Variants in ITM2B observed in about 807,000 individuals in gnomAD.
ITM2B encodes the protein integral membrane protein 2B.
A neutral mutation model predicts 27.8 loss-of-function variants in ITM2B; 11 were observed. The ratio of observed to expected loss-of-function variants is 0.40; its 90% confidence interval spans 0.25 to 0.66. The LOEUF (loss-of-function observed/expected upper bound fraction) is 0.66. ITM2B is among the 30% of genes least tolerant of loss of function. ITM2B has a pLI of 0.43. For missense variants in ITM2B, 296 were observed against 328.9 expected (o/e 0.90, Z 0.77); for synonymous variants, 114 against 114.3 (o/e 1.00, Z 0.02).
At chr13:48,238,024 C>A (rs969375283) in intron 1 of ITM2B, among the ~76,000 whole-genome samples, 2 of 152,118 alleles carry the variant, frequency 1.3e-5, no homozygotes, top group Non-Finnish European at 2.9e-5. Flanking sequence ...GTTACTGAAA[C>A]CTGTTAAAGG....
At chr13:48,233,786 G>A (rs571720142) in intron 1 of ITM2B, among the ~76,000 whole-genome samples, 370 of 152,292 alleles carry the variant, frequency 2.4e-3, no homozygotes, top group African/African-American at 8.6e-3. Context: ...CCAGGACTTG[G>A]CTTGTTCGAT....
intron 2 of ITM2B, 94 bp downstream of exon 2, chr13:48,254,030 T>C (rs1454084649): frequency 8.0e-7 from 1 of 1,248,990 alleles, no homozygotes; most frequent in East Asian, 2.4e-5. Context: ...GCGCTAAGCT[T>C]GTACTTTTTA....
intron 1 of ITM2B, among the ~76,000 whole-genome samples, chr13:48,250,861 T>C (rs939538463): frequency 6.6e-6 from 1 of 152,194 alleles, no homozygotes; most frequent in Non-Finnish European, 1.5e-5. Context: ...AAACAGCTCT[T>C]CTATGAAGTA....
intron 1 of ITM2B, 34 bp downstream of exon 1, chr13:48,233,511 T>G: frequency 7.0e-7 from 1 of 1,428,568 alleles, no homozygotes; most frequent in South Asian, 1.3e-5. Flanking sequence ...AAGCGGGTGC[T>G]GGGCCCGGCC....
At chr13:48,257,917 T>C (rs975913325) in intron 3 of ITM2B, among the ~76,000 whole-genome samples, 1 of 152,238 alleles carries the variant, frequency 6.6e-6, no homozygotes, top group East Asian at 1.9e-4. Context: ...ATACCCTCGA[T>C]GAGCATTTTA....
chr13:48,247,264 T>C (rs1331602074), intron 1 of ITM2B, among the ~76,000 whole-genome samples: 2 of 152,230 alleles, frequency 1.3e-5, no homozygotes, highest in Admixed American at 6.5e-5. Flanking sequence ...TTTACCTATG[T>C]TACCCAGCAT....
intron 1 of ITM2B, among the ~76,000 whole-genome samples, chr13:48,244,349 G>A (rs2243626): frequency 0.43 from 64,921 of 152,142 alleles, 18,022 homozygotes; most frequent in African/African-American, 0.8. Context: ...GAGTGGTGGA[G>A]TAAGGGAGCA....
At chr13:48,235,925 G>T (rs1593387004) in intron 1 of ITM2B, among the ~76,000 whole-genome samples, 2 of 152,250 alleles carry the variant, frequency 1.3e-5, no homozygotes, top group East Asian at 3.9e-4. Context: ...GTTACCTTAT[G>T]CCACAAGAAT....
Position 48,256,241 on chromosome 13 carries a change from C to T in ITM2B, c.311C>T (p.Ser104Phe), listed in dbSNP as rs1207355071. 21 of 1,613,312 alleles carry T rather than the reference C, an allele frequency of 1.3e-5. No individual in the cohort carries two copies. The highest frequency in any genetic ancestry group is 1.8e-5 in the Non-Finnish European group (21 of 1,179,382). The change falls in exon 3 of 6, where the codon TCT becomes TTT. Residue 104 changes from serine (S) to phenylalanine (F), a missense_variant. Coordinates refer to ENST00000647800, the MANE Select transcript of ITM2B (RefSeq NM_021999.5). The stretch of plus-strand genomic sequence containing the variant: ...GATGATGTCATCTTAAATGAGCCCT[C>T]TGCAGATGCCCCAGCTGCTCTCTAC... ...IKDDVILNEP[S>F]ADAPAALYQT...
In ITM2B at chr13:48,264,697, A is replaced by G. The variant is rs1266883130; in HGVS notation, c.*3473A>G. ...ATGTGTATCTATTTAGAAAAAGAAC[A>G]TTTCTTCATTTCCACAAAGCTACAC... On this transcript the variant is annotated 3_prime_UTR_variant, in exon 6 of 6. Transcript: ENST00000647800. 3 of 152,140 alleles carry G rather than the reference A, an allele frequency of 2.0e-5. No homozygotes were observed. The highest frequency in any genetic ancestry group is 4.8e-5 in the African/African-American group (2 of 41,422). The allele number at this position is 152,140 out of a possible 1,614,324, so 9.4% of individuals were successfully genotyped here. A position where few individuals can be genotyped will look rare whatever the true frequency, so the allele number is the denominator to read the frequency against.
At chr13:48,244,966 T>C (rs1249094012) in intron 1 of ITM2B, among the ~76,000 whole-genome samples, 1 of 152,218 alleles carries the variant, frequency 6.6e-6, no homozygotes, top group Non-Finnish European at 1.5e-5. Flanking sequence ...ATCTAGGCTT[T>C]TTGCTATCCC....
chr13:48,234,447 A>AT (rs940935422), intron 1 of ITM2B, among the ~76,000 whole-genome samples: 11 of 152,046 alleles, frequency 7.2e-5, no homozygotes, highest in Admixed American at 3.3e-4. Context: ...TGCTTATCTT[A>AT]TTTTTTGTTG....
At chr13:48,251,141 CCAT>C (rs1167414343) in intron 1 of ITM2B, among the ~76,000 whole-genome samples, 3 of 152,296 alleles carry the variant, frequency 2.0e-5, no homozygotes, top group Non-Finnish European at 2.9e-5. Context: ...AGCTTCTTGT[CCAT>C]CATTTCTCAT....
At chr13:48,243,334 T>C (rs1273370639) in intron 1 of ITM2B, among the ~76,000 whole-genome samples, 1 of 152,232 alleles carries the variant, frequency 6.6e-6, no homozygotes, top group East Asian at 1.9e-4. Context: ...GCCTTAGTTA[T>C]TTTCCTTTAT....
chr13:48,258,983 A>G (rs757337464), intron 5 of ITM2B, 36 bp downstream of exon 5: 11 of 1,542,736 alleles, frequency 7.1e-6, no homozygotes, highest in Non-Finnish European at 1.8e-6. Flanking sequence ...TTGGGCAGAA[A>G]AGTTCATTGC....
chr13:48,240,910 CTT>C (rs1951696361), intron 1 of ITM2B, among the ~76,000 whole-genome samples: 1 of 152,188 alleles, frequency 6.6e-6, no homozygotes, highest in Admixed American at 6.5e-5. Flanking sequence ...ATCTTGTGTC[CTT>C]TTACAATTTG....
Position 48,265,139 on chromosome 13 carries a change from G to C in ITM2B, c.*3915G>C, listed in dbSNP as rs552408438. On this transcript the variant is annotated 3_prime_UTR_variant, in exon 6 of 6. Coordinates refer to ENST00000647800, the MANE Select transcript of ITM2B (RefSeq NM_021999.5). The stretch of plus-strand genomic sequence containing the variant: ...GTATCTGATTTTTAAGCTTGCATTT[G>C]TGTTTATATTTTCATTGTAAAAATA... The C allele has an allele frequency of 7.2e-5, 11 of 152,218 alleles. No individual in the cohort carries two copies. The highest frequency in any genetic ancestry group is 2.6e-4 in the African/African-American group (11 of 41,532). 9.4% of individuals were successfully genotyped at this position (152,218 alleles called of 1,614,324 possible). A position where few individuals can be genotyped will look rare whatever the true frequency, so the allele number is the denominator to read the frequency against.
Position 48,246,131 on chromosome 13 carries a change from C to T in ITM2B, c.118-7677C>T, listed in dbSNP as rs114281611. Among the ~76,000 whole-genome samples the T allele has an allele frequency of 5.0e-3, 761 of 152,256 alleles. 6 individuals are homozygous for T. The highest frequency in any genetic ancestry group is 0.018 in the African/African-American group (730 of 41,536). On this transcript the variant is annotated intron_variant, in intron 1 of 5. Coordinates refer to ENST00000647800, the MANE Select transcript of ITM2B (RefSeq NM_021999.5). ...GTTCGAATTCCAGTACAGAATAATT[C>T]CATAACTTCATTAATCATAACATGT... is the stretch of plus-strand genomic sequence containing the variant.
At chr13:48,256,135 C>G (rs772051695) in intron 2 of ITM2B, 42 bp from the exon 3 acceptor site, 11 of 1,433,500 alleles carry the variant, frequency 7.7e-6, no homozygotes, top group Middle Eastern at 3.5e-4. Context: ...AAAAACCTGT[C>G]TCATGCTGAA....
Sources: allele counts gnomAD v4.1 joint callset (sites outside exome capture counted in the v4.1 genomes callset), GRCh38; gene constraint gnomAD v4.1.1; transcripts MANE v1.5; gene names NCBI Gene and HGNC (gene_info 2026-07-23, HGNC 2026-07-21).